Variants in PTCD3 observed in about 807,000 individuals in gnomAD.
The protein encoded by PTCD3 is small ribosomal subunit protein mS39.
PTCD3 carries 89 observed loss-of-function variants against 101.9 expected under a neutral mutation model. The observed-to-expected ratio is 0.87, with a 90% CI of 0.74 to 1.04. The LOEUF is 1.04. PTCD3 is among the 50% of genes least tolerant of loss of function. PTCD3 has a pLI of 0.00. For missense variants in PTCD3, 870 were observed against 828.2 expected, an observed-to-expected ratio of 1.05 and a Z score of -0.62; for synonymous variants, 296 against 278.5, an observed-to-expected ratio of 1.06 and a Z score of -0.63.
chr2:86,127,174 A>G lies in PTCD3; in HGVS notation c.965A>G (p.His322Arg), dbSNP rs1674411490. 6.2e-7 allele frequency: 1 copy of G among 1,612,768 alleles called. No individual in the cohort carries two copies. The highest frequency in any genetic ancestry group is 1.3e-5 in the African/African-American group (1 of 74,894). The change falls in exon 13 of 24, where the codon CAC (histidine) becomes CGC (arginine). Residue 322 changes from histidine (H) to arginine (R), a missense_variant. His to Arg is a conservative substitution (Grantham distance 29, BLOSUM62 0). Transcript: ENST00000254630. Reference protein sequence around the residue: ...KWSKILELLRHMVAQKVKPNL... With the variant: ...KWSKILELLRRMVAQKVKPNL... Reference sequence around the variant, plus strand: ...TTATTCACCTAGGAGCTGCTAAGACACATGGTTGCACAGAAGGTGAAACCA... The same window carrying G: ...TTATTCACCTAGGAGCTGCTAAGACGCATGGTTGCACAGAAGGTGAAACCA...
In PTCD3 at chr2:86,132,136, T is replaced by A. The variant is rs574347256; in HGVS notation, c.1267-182T>A. 4.6e-5 allele frequency among the ~76,000 whole-genome samples: 7 copies of A among 152,352 alleles called. No individual in the cohort carries two copies. The South Asian group carries it at 1.4e-3, about 32-fold the overall frequency. ...GTATAATTGCTTAATTAAAATAATA[T>A]TGTAATAAATTTCACAGAACTTGGG... On this transcript the variant is annotated intron_variant, in intron 16 of 23. Transcript: ENST00000254630.
chr2:86,129,360 C>T (rs1674455216), intron 14 of PTCD3, among the ~76,000 whole-genome samples: 1 of 152,166 alleles, frequency 6.6e-6, no homozygotes, highest in Non-Finnish European at 1.5e-5. Flanking sequence ...TATAAATTTG[C>T]CTGTCTGCAG....
At chr2:86,115,891 G>A (rs1318488543) in intron 4 of PTCD3, among the ~76,000 whole-genome samples, 1 of 152,124 alleles carries the variant, frequency 6.6e-6, no homozygotes, top group African/African-American at 2.4e-5. Flanking sequence ...GTTGAGCGTG[G>A]GTGGATAGTG....
At chr2:86,130,232 G>A (rs1269601667) in intron 14 of PTCD3, among the ~76,000 whole-genome samples, 4 of 152,240 alleles carry the variant, frequency 2.6e-5, no homozygotes, top group South Asian at 4.2e-4. Context: ...CCCGGGAGGC[G>A]GAGGTTGCAG....
At chr2:86,135,011 CACT>C (rs1462769826) in intron 21 of PTCD3, 24 bp downstream of exon 21, 2 of 1,600,594 alleles carry the variant, frequency 1.2e-6, no homozygotes, top group Admixed American at 3.4e-5. Flanking sequence ...CACAAGTATA[CACT>C]TTAGAAGCTT....
rs368548635 is a variant in PTCD3, at chr2:86,134,434, T to C, written c.1629+57T>C. The C allele has an allele frequency of 1.4e-4, 195 of 1,422,746 alleles. No homozygotes were observed. In the African/African-American group the frequency reaches 2.6e-3, roughly 19 times the overall value. The allele number at this position is 1,422,746 out of a possible 1,614,324, so 88.1% of individuals were successfully genotyped here. A position where few individuals can be genotyped will look rare whatever the true frequency, so the allele number is the denominator to read the frequency against. On this transcript the variant is annotated intron_variant, in intron 20 of 23. Coordinates refer to ENST00000254630, the MANE Select transcript of PTCD3 (RefSeq NM_017952.6). ...TCCCATACTGAGGTCTTCTTAAGGCTAGCTTCCCTGGTTTTATCTGCCATT... is the reference window on the plus strand; with the variant it reads ...TCCCATACTGAGGTCTTCTTAAGGCCAGCTTCCCTGGTTTTATCTGCCATT...
intron 8 of PTCD3, among the ~76,000 whole-genome samples, chr2:86,123,086 C>T (rs755510201): frequency 7.3e-5 from 11 of 151,548 alleles, no homozygotes; most frequent in African/African-American, 1.5e-4. Context: ...GGTGAAATCC[C>T]GTCCCTACTA....
chr2:86,111,230 C>T, intron 4 of PTCD3, 72 bp downstream of exon 4: 2 of 1,256,650 alleles, frequency 1.6e-6, no homozygotes, highest in Non-Finnish European at 2.3e-6. Flanking sequence ...CGGCTAATAA[C>T]ACATTTAATA....
intron 3 of PTCD3, among the ~76,000 whole-genome samples, chr2:86,109,202 G>C (rs994585397): frequency 1.3e-5 from 2 of 152,138 alleles, no homozygotes; most frequent in African/African-American, 2.4e-5. Context: ...TCAGGAGATT[G>C]AGACCATCCT....
intron 10 of PTCD3, 110 bp from the exon 11 acceptor site, chr2:86,125,345 C>G: frequency 1.6e-6 from 2 of 1,222,884 alleles, no homozygotes; most frequent in South Asian, 2.6e-5. Context: ...TTCATGAGAA[C>G]AGGAGCCTGA....
At chr2:86,111,201 A>G (rs769832127) in intron 4 of PTCD3, 43 bp downstream of exon 4, 1 of 1,512,726 alleles carries the variant, frequency 6.6e-7, no homozygotes, top group East Asian at 2.3e-5. Flanking sequence ...AAACTTGGCT[A>G]ATAACACACT....
At chr2:86,117,237 C>T (rs1674192494) in intron 6 of PTCD3, 78 bp downstream of exon 6, 2 of 619,252 alleles carry the variant, frequency 3.2e-6, no homozygotes, top group African/African-American at 3.7e-5. Flanking sequence ...GCTAATATTT[C>T]AGTAGCTATT....
In PTCD3 at chr2:86,108,547, T is replaced by C; in HGVS notation, c.194+11T>C. On this transcript the variant is annotated intron_variant, in intron 3 of 23. Transcript: ENST00000254630. ...AAAAAAGAAAACTTGGTAAGTATTC[T>C]ATCAGTGTTCATTCAGCAAATGGTT... 1.9e-6 allele frequency: 3 copies of C among 1,590,830 alleles called. No individual in the cohort carries two copies. Among genetic ancestry groups the C allele is most frequent in the Non-Finnish European group, 2.6e-6 (3 of 1,172,082 alleles).
intron 21 of PTCD3, chr2:86,136,072 G>A (rs1223961602): frequency 5.8e-6 from 3 of 516,012 alleles, no homozygotes; most frequent in African/African-American, 5.8e-5. Context: ...GAAACAGCAG[G>A]TTCTGTTCTA....
chr2:86,111,021 T>G, intron 3 of PTCD3, 92 bp from the exon 4 acceptor site: 1 of 1,145,364 alleles, frequency 8.7e-7, no homozygotes, highest in Non-Finnish European at 1.3e-6. Flanking sequence ...CTGCACTATG[T>G]TATTGGCCAG....
chr2:86,137,403 G>C, intron 23 of PTCD3, 66 bp from the exon 24 acceptor site: 1 of 1,601,314 alleles, frequency 6.2e-7, no homozygotes, highest in Non-Finnish European at 8.5e-7. Context: ...GTGAGTGTCA[G>C]AGACACCGAG....
intron 13 of PTCD3, 135 bp downstream of exon 13, chr2:86,127,440 CATTT>C (rs562093975): frequency 1.1e-4 from 108 of 991,576 alleles, no homozygotes; most frequent in Non-Finnish European, 1.5e-4. Flanking sequence ...ATGTTTGGCA[CATTT>C]ACTTACATGT....
chr2:86,117,802 A>G (rs1006630356), intron 6 of PTCD3, among the ~76,000 whole-genome samples: 3 of 149,286 alleles, frequency 2.0e-5, no homozygotes, highest in Non-Finnish European at 4.5e-5. Flanking sequence ...TTTGAGATGG[A>G]GTCTCACTCT....
At chr2:86,117,397 T>G (rs1674194626) in intron 6 of PTCD3, among the ~76,000 whole-genome samples, 1 of 152,188 alleles carries the variant, frequency 6.6e-6, no homozygotes, top group African/African-American at 2.4e-5. Context: ...CTCTTAGGTC[T>G]TTAATTCTAT....
Sources: allele counts gnomAD v4.1 joint callset (sites outside exome capture counted in the v4.1 genomes callset), GRCh38; gene constraint gnomAD v4.1.1; transcripts MANE v1.5; gene names NCBI Gene and HGNC (gene_info 2026-07-23, HGNC 2026-07-21).